Variants in MIR2052HG observed in about 807,000 individuals in gnomAD.
MIR2052HG encodes the protein MIR2052 host gene.
intron 1 of MIR2052HG, among the ~76,000 whole-genome samples, chr8:74,606,814 TAAAA>T: frequency 3.5e-5 from 1 of 28,478 alleles, no homozygotes; most frequent in East Asian, 1.7e-3. Flanking sequence ...CCCCTGAACT[TAAAA>T]TAAAAGTTTT....
intron 2 of MIR2052HG, among the ~76,000 whole-genome samples, chr8:74,701,302 T>C (rs1161218194): frequency 1.3e-5 from 2 of 152,158 alleles, no homozygotes; most frequent in Non-Finnish European, 2.9e-5. Flanking sequence ...TTAAACTTAT[T>C]ATTGAATAGA....
intron 2 of MIR2052HG, among the ~76,000 whole-genome samples, chr8:74,665,312 C>T (rs1442856345): frequency 6.6e-6 from 1 of 152,162 alleles, no homozygotes; most frequent in Non-Finnish European, 1.5e-5. Context: ...ATATGCTTGG[C>T]CCTCAAGTCA....
chr8:74,717,784 G>A (rs543547764), intron 4 of MIR2052HG, among the ~76,000 whole-genome samples: 9 of 151,740 alleles, frequency 5.9e-5, no homozygotes, highest in African/African-American at 2.2e-4. Flanking sequence ...CTCTAGTCTG[G>A]GTGGCAGAGT....
chr8:74,615,807 T>C (rs1459657010), intron 2 of MIR2052HG, among the ~76,000 whole-genome samples: 1 of 151,946 alleles, frequency 6.6e-6, no homozygotes, highest in Non-Finnish European at 1.5e-5. Flanking sequence ...TTCCCCACCC[T>C]GTGTCCAAGT....
At chr8:74,697,006 C>T (rs1809304725) in intron 2 of MIR2052HG, among the ~76,000 whole-genome samples, 1 of 151,920 alleles carries the variant, frequency 6.6e-6, no homozygotes, top group Admixed American at 6.6e-5. Context: ...AACACCAAAA[C>T]CAGGAAAGGA....
At chr8:74,744,667 C>A (rs987386229) in intron 4 of MIR2052HG, among the ~76,000 whole-genome samples, 2 of 151,890 alleles carry the variant, frequency 1.3e-5, no homozygotes, top group African/African-American at 4.8e-5. Flanking sequence ...ATCATTTTTT[C>A]TGGCTGCATA....
intron 4 of MIR2052HG, among the ~76,000 whole-genome samples, chr8:74,719,736 C>G (rs1435661265): frequency 6.6e-6 from 1 of 152,000 alleles, no homozygotes; most frequent in Non-Finnish European, 1.5e-5. Context: ...GCTGGTTCTC[C>G]TCATCTGTTA....
chr8:74,674,469 T>C (rs540734074), intron 2 of MIR2052HG, among the ~76,000 whole-genome samples: 1 of 152,056 alleles, frequency 6.6e-6, no homozygotes, highest in Non-Finnish European at 1.5e-5. Context: ...GAATTTTACA[T>C]AAAATTAAAC....
chr8:74,639,784 TC>T (rs1808619531), intron 2 of MIR2052HG, among the ~76,000 whole-genome samples: 1 of 152,144 alleles, frequency 6.6e-6, no homozygotes, highest in East Asian at 1.9e-4. Context: ...CATTATTATT[TC>T]ATTATCTTCA....
intron 2 of MIR2052HG, among the ~76,000 whole-genome samples, chr8:74,679,404 T>C (rs950795388): frequency 6.6e-5 from 10 of 152,080 alleles, no homozygotes; most frequent in Admixed American, 4.6e-4. Context: ...TCCATCCAGG[T>C]GGCTACGAGT....
chr8:74,735,424 C>T (rs1327979066), intron 4 of MIR2052HG, among the ~76,000 whole-genome samples: 1 of 152,178 alleles, frequency 6.6e-6, no homozygotes. Context: ...TATCTCATTT[C>T]CAAATGAGGA....
chr8:74,708,999 G>A (rs1310986578), intron 4 of MIR2052HG, among the ~76,000 whole-genome samples: 1 of 152,000 alleles, frequency 6.6e-6, no homozygotes, highest in East Asian at 1.9e-4. Context: ...ATGATAGAAT[G>A]GACCTAATTA....
intron 1 of MIR2052HG, among the ~76,000 whole-genome samples, chr8:74,611,821 T>C (rs1563511959): frequency 6.6e-6 from 1 of 152,338 alleles, no homozygotes; most frequent in Non-Finnish European, 1.5e-5. Flanking sequence ...ATTGATAGGA[T>C]GTTCAACTAT....
intron 1 of MIR2052HG, among the ~76,000 whole-genome samples, chr8:74,602,817 G>GTTTCTTCCTTTC (rs1808023193): frequency 1.4e-5 from 1 of 73,786 alleles, no homozygotes; most frequent in Admixed American, 1.4e-4. Flanking sequence ...GCCCGGCCGT[G>GTTTCTTCCTTTC]TTTCTTTCTT....
intron 1 of MIR2052HG, among the ~76,000 whole-genome samples, chr8:74,602,561 G>T (rs1273025236): frequency 6.6e-6 from 1 of 151,178 alleles, no homozygotes; most frequent in Non-Finnish European, 1.5e-5. Context: ...GCCCAGGCTG[G>T]AGTGCAGTGG....
chr8:74,707,955 G>T (rs1023249970), intron 4 of MIR2052HG, among the ~76,000 whole-genome samples: 7 of 152,040 alleles, frequency 4.6e-5, no homozygotes, highest in African/African-American at 1.7e-4. Flanking sequence ...ACAGTGAAAA[G>T]AACTCTCCTT....
intron 2 of MIR2052HG, among the ~76,000 whole-genome samples, chr8:74,698,969 T>C (rs187558881): frequency 2.8e-4 from 43 of 152,056 alleles, no homozygotes; most frequent in South Asian, 2.5e-3. Flanking sequence ...TAGACAATTA[T>C]AAGAAGATAC....
intron 4 of MIR2052HG, among the ~76,000 whole-genome samples, chr8:74,717,847 TTTTA>T (rs1033937851): frequency 6.6e-6 from 1 of 152,058 alleles, no homozygotes; most frequent in South Asian, 2.1e-4. Flanking sequence ...AACTATTTTA[TTTTA>T]TTTAAGGTGA....
At chr8:74,685,145 G>A (rs182646444) in intron 2 of MIR2052HG, among the ~76,000 whole-genome samples, 1 of 152,188 alleles carries the variant, frequency 6.6e-6, no homozygotes, top group Admixed American at 6.6e-5. Flanking sequence ...GCAAGAAGTT[G>A]CAACTATCAT....
Sources: gnomAD v4.1 joint callset for allele counts (sites outside exome capture counted in the v4.1 genomes callset) on GRCh38, gnomAD v4.1.1 for gene constraint, MANE v1.5 for transcripts, NCBI Gene and HGNC (gene_info 2026-07-23, HGNC 2026-07-21) for gene names.